Variants in VPS41 observed in about 807,000 individuals in gnomAD.
VPS41 encodes vacuolar protein sorting-associated protein 41 homolog.
In VPS41, 85 loss-of-function variants were observed where a neutral mutation model predicts 130.9. The ratio of observed to expected loss-of-function variants is 0.65; its 90% CI spans 0.55 to 0.78. The LOEUF (loss-of-function observed/expected upper bound fraction) is 0.78. VPS41 is among the 30% of genes least tolerant of loss of function. The probability of loss-of-function intolerance (pLI) is 0.00; values close to 1 mark genes in which losing one functional copy is unlikely to be tolerated. For synonymous variants in VPS41, 335 were observed against 332.9 expected, an observed-to-expected ratio of 1.01 and a Z score of -0.07; for missense variants, 874 against 1,018.7, an observed-to-expected ratio of 0.86 and a Z score of 1.93.
intron 1 of VPS41, among the ~76,000 whole-genome samples, chr7:38,900,806 C>CA (rs1225329982): frequency 2.0e-5 from 3 of 151,932 alleles, no homozygotes; most frequent in African/African-American, 7.3e-5. Flanking sequence ...CAGGCGATCT[C>CA]AAAAAAAACT....
intron 17 of VPS41, among the ~76,000 whole-genome samples, chr7:38,759,048 T>C (rs1454740311): frequency 2.0e-5 from 3 of 152,372 alleles, no homozygotes; most frequent in African/African-American, 7.2e-5. Flanking sequence ...AGTAAAGTGT[T>C]CCCCTGAGTT....
chr7:38,902,222 C>T (rs914743619), intron 1 of VPS41, among the ~76,000 whole-genome samples: 14 of 152,160 alleles, frequency 9.2e-5, no homozygotes, highest in South Asian at 2.1e-4. Context: ...CCTCAAACAA[C>T]CCTCAGTAGT....
At chr7:38,769,498 C>T (rs917135427) in intron 14 of VPS41, among the ~76,000 whole-genome samples, 12 of 152,154 alleles carry the variant, frequency 7.9e-5, no homozygotes, top group African/African-American at 2.9e-4. Context: ...CTGGGCTCCA[C>T]TACGATGTCC....
chr7:38,862,723 T>C (rs536806027), intron 3 of VPS41, 101 bp from the exon 4 acceptor site: 2 of 666,098 alleles, frequency 3.0e-6, no homozygotes, highest in South Asian at 2.0e-5. Flanking sequence ...AATGCATAAA[T>C]GATCTGCAAT....
At chr7:38,747,111 T>C (rs1796001093) in intron 22 of VPS41, among the ~76,000 whole-genome samples, 1 of 152,218 alleles carries the variant, frequency 6.6e-6, no homozygotes. Flanking sequence ...ATTAAAAATA[T>C]GGTTTACCTA....
chr7:38,865,307 TA>T (rs1342941078), intron 3 of VPS41, among the ~76,000 whole-genome samples: 2 of 152,208 alleles, frequency 1.3e-5, no homozygotes, highest in African/African-American at 4.8e-5. Flanking sequence ...TAGCATTGAT[TA>T]CAGTTCCCAA....
intron 25 of VPS41, among the ~76,000 whole-genome samples, chr7:38,732,456 ATCTTAC>A (rs1412365876): frequency 6.6e-6 from 1 of 152,196 alleles, no homozygotes; most frequent in Non-Finnish European, 1.5e-5. Flanking sequence ...TTGAATAATA[ATCTTAC>A]TCTTAATTTT....
At chr7:38,884,432 A>C (rs1328442501) in intron 2 of VPS41, among the ~76,000 whole-genome samples, 1 of 152,232 alleles carries the variant, frequency 6.6e-6, no homozygotes, top group East Asian at 1.9e-4. Context: ...GAAGAACTAA[A>C]CCAGAACTAA....
intron 4 of VPS41, among the ~76,000 whole-genome samples, chr7:38,842,726 C>CA (rs1243695194): frequency 6.6e-6 from 1 of 152,186 alleles, no homozygotes; most frequent in East Asian, 1.9e-4. Context: ...CACCACTTGG[C>CA]AAATTCCAGC....
chr7:38,887,867 C>T (rs1786769243), intron 2 of VPS41, among the ~76,000 whole-genome samples: 1 of 152,084 alleles, frequency 6.6e-6, no homozygotes, highest in African/African-American at 2.4e-5. Context: ...AGAGTGGGGG[C>T]CAATATTCAA....
rs1795514446 is a variant in VPS41 at position 38,725,196 on chromosome 7, T to C, written c.*1050A>G. ...AGAGATCAGGAACAATAAGGATGTG[T>C]TTTGCGCACTTTTACACTCATTAGA... On this transcript the variant is annotated 3_prime_UTR_variant, in exon 29 of 29. Coordinates refer to ENST00000310301, the MANE Select transcript of VPS41 (RefSeq NM_014396.4). 6.6e-6 allele frequency: 1 copy of C among 152,156 alleles called. No individual in the cohort carries two copies. The highest frequency in any genetic ancestry group is 6.5e-5 in the Admixed American group (1 of 15,284). 9.4% of individuals were successfully genotyped at this position (152,156 alleles called of 1,614,324 possible).
rs1795489468 is a variant in VPS41, at chr7:38,724,126, T to TAAA, written c.*2119_*2120insTTT. 6.6e-6 allele frequency: 1 copy of TAAA among 152,250 alleles called. No individual in the cohort carries two copies. The highest frequency in any genetic ancestry group is 6.5e-5 in the Admixed American group (1 of 15,288). The allele number at this position is 152,250 out of a possible 1,614,324, so 9.4% of individuals were successfully genotyped here. On this transcript the variant is annotated 3_prime_UTR_variant, in exon 29 of 29. Coordinates refer to ENST00000310301, the MANE Select transcript of VPS41 (RefSeq NM_014396.4). ...AAATCAGTTACTTAAAAATGAAGAC[T>TAAA]GTTTAATTATTTTCTCCTTTTCTAT...
chr7:38,807,240 A>G (rs1273212917), intron 7 of VPS41, among the ~76,000 whole-genome samples: 1 of 152,196 alleles, frequency 6.6e-6, no homozygotes, highest in African/African-American at 2.4e-5. Context: ...TTCTTCTAAC[A>G]TCTTCCTAAA....
chr7:38,884,609 C>T (rs1786682591), intron 2 of VPS41, among the ~76,000 whole-genome samples: 1 of 152,164 alleles, frequency 6.6e-6, no homozygotes, highest in Non-Finnish European at 1.5e-5. Flanking sequence ...CCCACCTCGG[C>T]TTCCCAATGT....
At chr7:38,730,234 G>C (rs1242432731) in intron 25 of VPS41, among the ~76,000 whole-genome samples, 1 of 152,128 alleles carries the variant, frequency 6.6e-6, no homozygotes, top group Non-Finnish European at 1.5e-5. Context: ...AAGCTAGATG[G>C]GCATTTTGCT....
intron 2 of VPS41, among the ~76,000 whole-genome samples, chr7:38,877,402 C>G (rs1256991549): frequency 6.6e-6 from 1 of 152,042 alleles, no homozygotes; most frequent in Non-Finnish European, 1.5e-5. Context: ...TTTTGAAATA[C>G]CATAAACTAG....
At chr7:38,859,269 G>A (rs1248606558) in intron 4 of VPS41, among the ~76,000 whole-genome samples, 2 of 152,104 alleles carry the variant, frequency 1.3e-5, no homozygotes, top group Non-Finnish European at 2.9e-5. Flanking sequence ...GTTACAGTAA[G>A]CTAAGGCTAA....
intron 17 of VPS41, among the ~76,000 whole-genome samples, chr7:38,762,630 A>G (rs1783945273): frequency 6.6e-6 from 1 of 152,196 alleles, no homozygotes; most frequent in African/African-American, 2.4e-5. Context: ...AGCAACACAA[A>G]ATGTCTCTCC....
chr7:38,816,979 T>A (rs753735490), intron 7 of VPS41, among the ~76,000 whole-genome samples: 4 of 152,164 alleles, frequency 2.6e-5, no homozygotes, highest in Non-Finnish European at 5.9e-5. Context: ...CAGCCTCAAG[T>A]GATCCTCCCA....
Sources: gnomAD v4.1 joint callset for allele counts (sites outside exome capture counted in the v4.1 genomes callset) on GRCh38, gnomAD v4.1.1 for gene constraint, MANE v1.5 for transcripts, NCBI Gene and HGNC (gene_info 2026-07-23, HGNC 2026-07-21) for gene names.